The following MAPK10 variants were observed in gnomAD, a reference collection of about 807,000 sequenced individuals.
MAPK10 encodes the protein mitogen-activated protein kinase 10.
A neutral mutation model predicts 59.3 loss-of-function variants in MAPK10; 25 were observed. The observed-to-expected ratio is 0.42, with a 90% CI of 0.31 to 0.59. MAPK10 has a LOEUF of 0.59. Among genes scored for constraint, MAPK10 ranks in the 20% least tolerant of loss-of-function variants. MAPK10 has a pLI of 0.15. For synonymous variants in MAPK10, 190 were observed against 200.5 expected, an observed-to-expected ratio of 0.95 and a Z score of 0.44; for missense variants, 351 against 568.9, an observed-to-expected ratio of 0.62 and a Z score of 3.90.
intron 2 of MAPK10, among the ~76,000 whole-genome samples, chr4:86,316,957 A>AT (rs1564309278): frequency 1.3e-5 from 2 of 152,108 alleles, no homozygotes; most frequent in Non-Finnish European, 2.9e-5. Context: ...AATACTCAAA[A>AT]TTTTTTAACC....
chr4:86,264,831 AAT>A (rs2094156725), intron 2 of MAPK10, among the ~76,000 whole-genome samples: 1 of 150,756 alleles, frequency 6.6e-6, no homozygotes, highest in Admixed American at 6.6e-5. Context: ...AGAATTCATT[AAT>A]ATGTTTCTTT....
At chr4:86,117,189 G>T (rs1353733057) in intron 4 of MAPK10, among the ~76,000 whole-genome samples, 3 of 152,220 alleles carry the variant, frequency 2.0e-5, no homozygotes, top group African/African-American at 7.2e-5. Flanking sequence ...CAGGAGGATT[G>T]CTTGAGCCCG....
chr4:86,299,483 A>C (rs1301142181), intron 2 of MAPK10, among the ~76,000 whole-genome samples: 1 of 152,148 alleles, frequency 6.6e-6, no homozygotes, highest in Non-Finnish European at 1.5e-5. Context: ...TTAAAGCAAA[A>C]AGATGCCTGT....
At chr4:86,427,500 CTTT>C (rs1263355177) in intron 1 of MAPK10, among the ~76,000 whole-genome samples, 1 of 152,152 alleles carries the variant, frequency 6.6e-6, no homozygotes, top group Non-Finnish European at 1.5e-5. Context: ...TTCCTTCCTT[CTTT>C]GTCTCATTTA....
chr4:86,352,457 G>A (rs1313019790), intron 2 of MAPK10, among the ~76,000 whole-genome samples: 2 of 151,958 alleles, frequency 1.3e-5, no homozygotes, highest in Non-Finnish European at 1.5e-5. Context: ...GAGTATACAT[G>A]CTGTAACTCC....
chr4:86,174,083 A>T, intron 3 of MAPK10, among the ~76,000 whole-genome samples: 1 of 152,224 alleles, frequency 6.6e-6, no homozygotes, highest in East Asian at 1.9e-4. Flanking sequence ...AGGATCTAGA[A>T]CCGGAAATAC....
intron 1 of MAPK10, among the ~76,000 whole-genome samples, chr4:86,442,424 T>C (rs1156473031): frequency 2.0e-5 from 3 of 152,310 alleles, no homozygotes; most frequent in Non-Finnish European, 4.4e-5. Context: ...TTAATTAGCT[T>C]TCCTAAGGTC....
chr4:86,418,962 C>T (rs543636706), intron 1 of MAPK10, among the ~76,000 whole-genome samples: 1 of 152,130 alleles, frequency 6.6e-6, no homozygotes, highest in South Asian at 2.1e-4. Flanking sequence ...TATGAGGATG[C>T]AAAGGGATAA....
chr4:86,372,564 G>GAAAGAAAGAAAGGAAGGAAAAGA, intron 1 of MAPK10, among the ~76,000 whole-genome samples: 65 of 78,716 alleles, frequency 8.3e-4, no homozygotes, highest in African/African-American at 2.3e-3. Context: ...AAGAAAGAAA[G>GAAAGAAAGAAAGGAAGGAAAAGA]AAAGAAAAGA....
At chr4:86,076,265 G>A (rs376832926) in intron 9 of MAPK10, among the ~76,000 whole-genome samples, 15 of 152,058 alleles carry the variant, frequency 9.9e-5, no homozygotes, top group East Asian at 9.7e-4. Context: ...CGCACGGTGC[G>A]CGCACCCACT....
At chr4:86,101,584 G>A (rs1260030832) in intron 7 of MAPK10, 1 of 408,502 alleles carries the variant, frequency 2.4e-6, no homozygotes, top group Non-Finnish European at 4.4e-6. Flanking sequence ...TCTTTATGCT[G>A]CCAGAAACAT....
chr4:86,545,470 C>T (rs1347677685), intron 1 of MAPK10, among the ~76,000 whole-genome samples: 1 of 152,002 alleles, frequency 6.6e-6, no homozygotes, highest in Non-Finnish European at 1.5e-5. Flanking sequence ...TGGTGAAGGC[C>T]GTGACGAAAA....
At chr4:86,128,090 T>C (rs1202140557) in intron 4 of MAPK10, among the ~76,000 whole-genome samples, 1 of 152,096 alleles carries the variant, frequency 6.6e-6, no homozygotes, top group Non-Finnish European at 1.5e-5. Context: ...GTTTCTAAGT[T>C]TTATGCATCC....
intron 1 of MAPK10, among the ~76,000 whole-genome samples, chr4:86,396,289 G>C (rs967702846): frequency 1.3e-5 from 2 of 152,184 alleles, no homozygotes; most frequent in Non-Finnish European, 2.9e-5. Context: ...GGAGCTTGCA[G>C]TGAGCCGAGA....
At chr4:86,410,467 A>G (rs1259941743) in intron 1 of MAPK10, among the ~76,000 whole-genome samples, 1 of 152,202 alleles carries the variant, frequency 6.6e-6, no homozygotes, top group Non-Finnish European at 1.5e-5. Context: ...GAATAGTTTC[A>G]GAAAGAATGG....
At chr4:86,267,097 T>C (rs948634375) in intron 2 of MAPK10, among the ~76,000 whole-genome samples, 1 of 152,158 alleles carries the variant, frequency 6.6e-6, no homozygotes. Flanking sequence ...GGTGTGTTAT[T>C]CAAATGTAAA....
At chr4:86,196,252 T>C (rs553024434) in intron 2 of MAPK10, among the ~76,000 whole-genome samples, 2 of 152,346 alleles carry the variant, frequency 1.3e-5, no homozygotes, top group South Asian at 4.1e-4. Context: ...TTTTTAATGA[T>C]GGTCATTCTA....
At chr4:86,052,682 A>G (rs1414958019) in intron 11 of MAPK10, among the ~76,000 whole-genome samples, 1 of 152,012 alleles carries the variant, frequency 6.6e-6, no homozygotes, top group East Asian at 1.9e-4. Flanking sequence ...ATAAGTATGT[A>G]TATACTCGGG....
chr4:86,150,036 A>G (rs2066017555), intron 4 of MAPK10, among the ~76,000 whole-genome samples: 1 of 152,258 alleles, frequency 6.6e-6, no homozygotes, highest in South Asian at 2.1e-4. Flanking sequence ...ATAATTGCAA[A>G]GATGTGGAAC....
Sources: gnomAD v4.1 joint callset for allele counts (sites outside exome capture counted in the v4.1 genomes callset) on GRCh38, gnomAD v4.1.1 for gene constraint, MANE v1.5 for transcripts, NCBI Gene and HGNC (gene_info 2026-07-23, HGNC 2026-07-21) for gene names.